Variants in RTN1 observed in about 807,000 individuals in gnomAD.
RTN1 encodes the protein reticulon 1, also known as reticulon-1.
Under a neutral mutation model 65.5 loss-of-function variants are expected in RTN1, and 25 were observed. The observed-to-expected ratio is 0.38, with a 90% CI of 0.28 to 0.53. The LOEUF is 0.53. Ranked by LOEUF, RTN1 falls within the 20% of genes least tolerant of loss-of-function variation. The pLI is 0.79. For missense variants in RTN1, 983 were observed against 1,025.4 expected (o/e 0.96, Z 0.57); for synonymous variants, 471 against 447.6 (o/e 1.05, Z -0.66).
chr14:59,638,724 G>C (rs541061943), intron 3 of RTN1, among the ~76,000 whole-genome samples: 2 of 152,292 alleles, frequency 1.3e-5, no homozygotes, highest in Non-Finnish European at 2.9e-5. Flanking sequence ...TAAAATTAAA[G>C]AGTGAGGGCC....
At chr14:59,692,277 T>C (rs532830229) in intron 3 of RTN1, among the ~76,000 whole-genome samples, 1 of 152,298 alleles carries the variant, frequency 6.6e-6, no homozygotes, top group East Asian at 1.9e-4. Flanking sequence ...AGCATTTCTA[T>C]ACATCAATAA....
chr14:59,745,721 T>C lies in RTN1; in HGVS notation c.1002A>G (p.Pro334=), dbSNP rs1330827577. 2.5e-6 allele frequency: 4 copies of C among 1,605,716 alleles called. No individual in the cohort carries two copies. Among genetic ancestry groups the C allele is most frequent in the East Asian group, 2.2e-5 (1 of 44,870 alleles). ...EDDSPGSITP[P]SSGTEPSAAE... Reference sequence around the variant, plus strand: ...CAGGGCCTTTACCTGTTCCAGAAGATGGAGGGGTGATAGATCCTGGGCTGT... The same window carrying C: ...CAGGGCCTTTACCTGTTCCAGAAGACGGAGGGGTGATAGATCCTGGGCTGT... The change falls in exon 2 of 9, where the codon CCA becomes CCG. Residue 334 remains proline (P), a synonymous_variant. Coordinates refer to ENST00000267484, the MANE Select transcript of RTN1 (RefSeq NM_021136.3).
chr14:59,777,301 T>C (rs544558722), intron 1 of RTN1, among the ~76,000 whole-genome samples: 124 of 152,328 alleles, frequency 8.1e-4, no homozygotes, highest in Middle Eastern at 6.8e-3. Flanking sequence ...TGTGTTTGAC[T>C]GTTTGTCTTT....
intron 3 of RTN1, among the ~76,000 whole-genome samples, chr14:59,637,489 G>A (rs1187665561): frequency 6.6e-6 from 1 of 152,076 alleles, no homozygotes; most frequent in Non-Finnish European, 1.5e-5. Flanking sequence ...TGAGGCAGGC[G>A]GCTCACGAAG....
intron 1 of RTN1, among the ~76,000 whole-genome samples, chr14:59,804,367 A>G (rs372894934): frequency 6.6e-6 from 1 of 152,166 alleles, no homozygotes; most frequent in Non-Finnish European, 1.5e-5. Context: ...CTGACATGAC[A>G]TCGCTGGTGA....
Position 59,728,166 on chromosome 14 carries a change from C to T in RTN1, c.1016-498G>A, listed in dbSNP as rs1884820644. Among the ~76,000 whole-genome samples the T allele has an allele frequency of 2.6e-5, 4 of 152,144 alleles. No homozygotes were observed. The South Asian group carries it at 8.3e-4, about 32-fold the overall frequency. ...TCGTCCATTGCTGTTTATATCCTCT[C>T]CTTTAGCAAGACAAAGCAGGTAGTT... On this transcript the variant is annotated intron_variant, in intron 2 of 8. Coordinates refer to ENST00000267484, the MANE Select transcript of RTN1 (RefSeq NM_021136.3).
chr14:59,668,016 T>C (rs189316216), intron 3 of RTN1, among the ~76,000 whole-genome samples: 1 of 152,268 alleles, frequency 6.6e-6, no homozygotes, highest in East Asian at 1.9e-4. Context: ...ATGATGAAAA[T>C]GGCCATACTG....
intron 1 of RTN1, among the ~76,000 whole-genome samples, chr14:59,761,323 G>A (rs563922569): frequency 2.2e-4 from 34 of 152,106 alleles, no homozygotes; most frequent in Non-Finnish European, 3.8e-4. Flanking sequence ...TCATGGGGGC[G>A]GTTTCCCCCG....
chr14:59,775,635 T>C (rs1218538689), intron 1 of RTN1, among the ~76,000 whole-genome samples: 1 of 152,162 alleles, frequency 6.6e-6, no homozygotes, highest in Non-Finnish European at 1.5e-5. Flanking sequence ...AATTGAGGCA[T>C]AGTGAGAGTA....
chr14:59,672,466 C>A (rs1273256049), intron 3 of RTN1, among the ~76,000 whole-genome samples: 1 of 152,004 alleles, frequency 6.6e-6, no homozygotes, highest in African/African-American at 2.4e-5. Context: ...TCATAATAAT[C>A]CACATAAAGG....
chr14:59,646,297 G>C (rs1882895060), intron 3 of RTN1, among the ~76,000 whole-genome samples: 1 of 152,154 alleles, frequency 6.6e-6, no homozygotes, highest in Non-Finnish European at 1.5e-5. Flanking sequence ...AAACCTCTGA[G>C]AAATATGGGA....
chr14:59,819,414 A>ACCACCCCCC (rs1886889373), intron 1 of RTN1, among the ~76,000 whole-genome samples: 1 of 31,862 alleles, frequency 3.1e-5, no homozygotes, highest in African/African-American at 3.0e-4. Context: ...CACCACCACC[A>ACCACCCCCC]CCCCCCCCCC....
chr14:59,793,636 CCACA>C lies in RTN1; in HGVS notation c.242-47159_242-47156del, dbSNP rs766243780. Among the ~76,000 whole-genome samples, 397 of 144,248 alleles carry C rather than the reference CCACA, an allele frequency of 2.8e-3. 2 individuals carry two copies. The highest frequency in any genetic ancestry group is 0.01 in the South Asian group (46 of 4,472). The allele number at this position is 144,248 out of a possible 152,430, so 94.6% of individuals were successfully genotyped here. A position where few individuals can be genotyped will look rare whatever the true frequency, so the allele number is the denominator to read the frequency against. On this transcript the variant is annotated intron_variant, in intron 1 of 8. Transcript: ENST00000267484. Reference sequence around the variant, plus strand: ...TTACCTTGTCAATTACAGGCACACACCACACACACACACACACACACACACACAC... The same window carrying C: ...TTACCTTGTCAATTACAGGCACACACCACACACACACACACACACACACAC...
intron 2 of RTN1, among the ~76,000 whole-genome samples, chr14:59,729,827 A>G (rs985118988): frequency 2.6e-5 from 4 of 152,200 alleles, no homozygotes; most frequent in Non-Finnish European, 5.9e-5. Flanking sequence ...TGACCTACAT[A>G]GAAAGCATAC....
At chr14:59,690,988 A>G (rs944905109) in intron 3 of RTN1, among the ~76,000 whole-genome samples, 2 of 152,210 alleles carry the variant, frequency 1.3e-5, no homozygotes, top group Non-Finnish European at 2.9e-5. Flanking sequence ...TCAGAAAGGC[A>G]GATATCAACT....
chr14:59,812,039 C>T (rs1266418917), intron 1 of RTN1, among the ~76,000 whole-genome samples: 1 of 152,152 alleles, frequency 6.6e-6, no homozygotes, highest in East Asian at 1.9e-4. Flanking sequence ...GCTATTCAGA[C>T]TGAGGTGTGA....
In RTN1 at chr14:59,794,938, C is replaced by T. The variant is rs1484345336; in HGVS notation, c.242-48457G>A. 6.6e-6 allele frequency among the ~76,000 whole-genome samples: 1 copy of T among 152,102 alleles called. No individual in the cohort carries two copies. Among genetic ancestry groups the T allele is most frequent in the African/African-American group, 2.4e-5 (1 of 41,412 alleles). On this transcript the variant is annotated intron_variant, in intron 1 of 8. Coordinates refer to ENST00000267484, the MANE Select transcript of RTN1 (RefSeq NM_021136.3). This position sits in a 1 kb window ranked among gnomAD's most constrained non-coding sequence, Gnocchi z 5.1. ...GAAAAGAATAGATACTGGAGGAAAC[C>T]TAGCAGCTTATGTACCTTGAACTTT... is the stretch of plus-strand genomic sequence containing the variant.
At chr14:59,823,933 C>T (rs1450267751) in intron 1 of RTN1, among the ~76,000 whole-genome samples, 1 of 152,138 alleles carries the variant, frequency 6.6e-6, no homozygotes, top group East Asian at 1.9e-4. Flanking sequence ...TTACACGATC[C>T]AGTATTTCTC....
At chr14:59,780,436 G>A (rs1361976211) in intron 1 of RTN1, among the ~76,000 whole-genome samples, 3 of 152,152 alleles carry the variant, frequency 2.0e-5, no homozygotes, top group Non-Finnish European at 4.4e-5. Flanking sequence ...AAATTGAGAG[G>A]ATGCTAGAGA....
Sources: allele counts gnomAD v4.1 joint callset (sites outside exome capture counted in the v4.1 genomes callset), GRCh38; gene constraint gnomAD v4.1.1; non-coding constraint Gnocchi (gnomAD v3.1); transcripts MANE v1.5; gene names NCBI Gene and HGNC (gene_info 2026-07-23, HGNC 2026-07-21).